The following ZBTB46 variants were observed in gnomAD, a reference collection of about 807,000 sequenced individuals.
ZBTB46 encodes zinc finger and BTB domain-containing protein 46.
ZBTB46 carries 8 observed loss-of-function variants against 44.1 expected under a neutral mutation model. That is an observed-to-expected ratio of 0.18 (90% CI 0.11 to 0.33). The LOEUF (loss-of-function observed/expected upper bound fraction) is 0.33. ZBTB46 is among the 10% of genes least tolerant of loss of function. The pLI, the probability that ZBTB46 is intolerant of heterozygous loss-of-function variation, is 1.00. For missense variants in ZBTB46, 651 were observed against 847.7 expected (o/e 0.77, Z 2.88); for synonymous variants, 409 against 382.3 (o/e 1.07, Z -0.81).
chr20:63,791,450 C>T (rs913751378), intron 1 of ZBTB46, among the ~76,000 whole-genome samples: 3 of 136,218 alleles, frequency 2.2e-5, no homozygotes, highest in Non-Finnish European at 4.6e-5. Context: ...GAGCCGAGAT[C>T]GCGCCAGTGC....
Position 63,790,163 on chromosome 20 carries a change from C to G in ZBTB46, c.595G>C (p.Glu199Gln), listed in dbSNP as rs1222644575. 2.5e-6 allele frequency: 4 copies of G among 1,613,940 alleles called. No individual in the cohort carries two copies. The Admixed American group carries it at 6.7e-5, about 27-fold the overall frequency. The change falls in exon 2 of 5, where the codon GAG becomes CAG. Residue 199 changes from glutamate to glutamine, a missense_variant. This residue lies in a region of ZBTB46 where 385 missense variants were observed against 423.3 expected (regional missense o/e 0.91). Coordinates refer to ENST00000245663, the MANE Select transcript of ZBTB46 (RefSeq NM_001369741.1). ...CHDGGSSYGK[E>Q]DQEPKADGPD... is the part of the protein sequence containing the mutation. ...CCATCGGCCTTGGGCTCCTGATCCT[C>G]TTTCCCGTAGCTGCTCCCTCCGTCG...
intron 3 of ZBTB46, among the ~76,000 whole-genome samples, chr20:63,756,903 G>T (rs2145784495): frequency 6.6e-6 from 1 of 152,360 alleles, no homozygotes; most frequent in Non-Finnish European, 1.5e-5. Flanking sequence ...GTAGATACCA[G>T]TTTGGGCCTA....
chr20:63,776,105 GGCACCT>G, intron 2 of ZBTB46, 143 bp from the exon 3 acceptor site: 1 of 1,082,392 alleles, frequency 9.2e-7, no homozygotes, highest in Non-Finnish European at 1.3e-6. Flanking sequence ...CTGGGAGCCG[GGCACCT>G]GCCCCAGCAA....
chr20:63,796,698 G>A (rs552680644), intron 1 of ZBTB46, among the ~76,000 whole-genome samples: 3 of 151,946 alleles, frequency 2.0e-5, no homozygotes, highest in Admixed American at 1.3e-4. Context: ...GATGGCAGGC[G>A]CCTGTAATCC....
chr20:63,830,823 G>T (rs1368505197), intron 1 of ZBTB46, among the ~76,000 whole-genome samples: 3 of 142,208 alleles, frequency 2.1e-5, no homozygotes, highest in African/African-American at 7.6e-5. Flanking sequence ...AACCCGCGCC[G>T]CCCCCGCGCG....
intron 2 of ZBTB46, among the ~76,000 whole-genome samples, chr20:63,777,776 C>T (rs1213050157): frequency 6.6e-6 from 1 of 152,194 alleles, no homozygotes; most frequent in Non-Finnish European, 1.5e-5. Flanking sequence ...ATAAACATAA[C>T]AGGTCCATCC....
intron 2 of ZBTB46, among the ~76,000 whole-genome samples, chr20:63,776,359 C>G (rs1292202097): frequency 1.3e-5 from 2 of 152,236 alleles, no homozygotes; most frequent in Admixed American, 1.3e-4. Flanking sequence ...CAAAATGGAT[C>G]AATGACGTTA....
In ZBTB46 at chr20:63,790,095, C is replaced by A; in HGVS notation, c.663G>T (p.Val221=). The change falls in exon 2 of 5, where the codon GTG becomes GTT. Residue 221 remains valine (V), a synonymous_variant. Coordinates refer to ENST00000245663, the MANE Select transcript of ZBTB46 (RefSeq NM_001369741.1). The part of the protein sequence containing the change: ...VSSQPLWPGD[V]GYGPLRIKEE... ...CCTTGATGCGCAGAGGCCCGTAGCC[C>A]ACGTCTCCAGGCCATAGAGGCTGTG... The A allele has an allele frequency of 6.2e-7, 1 of 1,614,036 alleles. No homozygotes were observed. The highest frequency in any genetic ancestry group is 8.5e-7 in the Non-Finnish European group (1 of 1,180,040).
chr20:63,808,135 G>A (rs1464616765), intron 1 of ZBTB46: 1 of 153,146 alleles, frequency 6.5e-6, no homozygotes, highest in Non-Finnish European at 1.5e-5. Context: ...TGAGCAGTGA[G>A]GAAACCCCGC....
At chr20:63,820,622 G>A (rs1431213065) in intron 1 of ZBTB46, among the ~76,000 whole-genome samples, 4 of 151,484 alleles carry the variant, frequency 2.6e-5, no homozygotes, top group South Asian at 2.1e-4. Context: ...GGTAGAGACC[G>A]GGTTTCTCCA....
chr20:63,784,854 T>C (rs1456468425), intron 2 of ZBTB46, among the ~76,000 whole-genome samples: 1 of 152,142 alleles, frequency 6.6e-6, no homozygotes, highest in Non-Finnish European at 1.5e-5. Context: ...GGCCTCAGGG[T>C]CACCAGGGGC....
chr20:63,791,034 G>C, intron 1 of ZBTB46: 1 of 456,146 alleles, frequency 2.2e-6, no homozygotes, highest in East Asian at 3.9e-5. Flanking sequence ...CGTGCTCGAG[G>C]CTAATGGGGT....
rs1255788947 is a variant in ZBTB46, at chr20:63,744,820, A to T, written c.*2110T>A. 1.3e-5 allele frequency: 2 copies of T among 152,336 alleles called. No individual in the cohort carries two copies. Among genetic ancestry groups the T allele is most frequent in the Non-Finnish European group, 2.9e-5 (2 of 68,052 alleles). The allele number at this position is 152,336 out of a possible 1,614,324, so 9.4% of individuals were successfully genotyped here. ...CGGTCAGCAAAGGCAGGCCACACGG[A>T]GTGAGCCGGCCAGATGGAGCAGGAC... On this transcript the variant is annotated 3_prime_UTR_variant, in exon 5 of 5. Coordinates refer to ENST00000245663, the MANE Select transcript of ZBTB46 (RefSeq NM_001369741.1).
chr20:63,793,925 G>A (rs1047061595), intron 1 of ZBTB46, among the ~76,000 whole-genome samples: 2 of 152,222 alleles, frequency 1.3e-5, no homozygotes, highest in Admixed American at 6.5e-5. Flanking sequence ...GGTGGCTCAC[G>A]CCTGTAATCC....
chr20:63,764,586 T>C (rs765106005), intron 3 of ZBTB46, among the ~76,000 whole-genome samples: 25 of 150,054 alleles, frequency 1.7e-4, no homozygotes, highest in Non-Finnish European at 3.4e-4. Flanking sequence ...TTCTTCTGAA[T>C]GTTAAGCATT....
At chr20:63,829,627 T>C (rs947281553) in intron 1 of ZBTB46, among the ~76,000 whole-genome samples, 1 of 152,212 alleles carries the variant, frequency 6.6e-6, no homozygotes, top group Non-Finnish European at 1.5e-5. Context: ...GTAACCAGGC[T>C]GAGGTGCCCA....
At chr20:63,786,969 A>G (rs1045007928) in intron 2 of ZBTB46, among the ~76,000 whole-genome samples, 3 of 152,152 alleles carry the variant, frequency 2.0e-5, no homozygotes, top group African/African-American at 7.2e-5. Flanking sequence ...TTTACTGAAC[A>G]TCCAGGGTCT....
rs993045312 is a variant in ZBTB46, at chr20:63,745,573, G to A, written c.*1357C>T. 2.0e-5 allele frequency: 3 copies of A among 152,320 alleles called. No individual in the cohort carries two copies. Among genetic ancestry groups the A allele is most frequent in the East Asian group, 1.9e-4 (1 of 5,220 alleles). The allele number at this position is 152,320 out of a possible 1,614,324, so 9.4% of individuals were successfully genotyped here. ...GGGGGTCTTCACACGGGCAGGTCCT[G>A]GAGGGAAGGAGGAGGCCACCGCGCC... On this transcript the variant is annotated 3_prime_UTR_variant, in exon 5 of 5. Coordinates refer to ENST00000245663, the MANE Select transcript of ZBTB46 (RefSeq NM_001369741.1).
intron 2 of ZBTB46, 26 bp from the exon 3 acceptor site, chr20:63,775,988 A>C: frequency 6.6e-7 from 1 of 1,519,466 alleles, no homozygotes; most frequent in Non-Finnish European, 8.8e-7. Flanking sequence ...CACACGTCAG[A>C]AGACACGGGT....
Sources: gnomAD v4.1 joint callset for allele counts (sites outside exome capture counted in the v4.1 genomes callset) on GRCh38, gnomAD v4.1.1 for gene constraint, gnomAD v4.1.1 regional missense constraint, MANE v1.5 for transcripts, NCBI Gene and HGNC (gene_info 2026-07-23, HGNC 2026-07-21) for gene names.